The following PLPPR1 variants were observed in gnomAD, a reference collection of about 807,000 sequenced individuals.
The protein encoded by PLPPR1 is phospholipid phosphatase related 1.
PLPPR1 carries 10 observed loss-of-function variants against 33.1 expected under a neutral mutation model. The ratio of observed to expected loss-of-function variants is 0.30; its 90% CI spans 0.19 to 0.51. The LOEUF is 0.51. PLPPR1 is among the 20% of genes least tolerant of loss of function. PLPPR1 has a pLI of 0.97. For synonymous variants in PLPPR1, 151 were observed against 151.0 expected (o/e 1.00, Z 0.00); for missense variants, 304 against 408.1 (o/e 0.74, Z 2.20).
At chr9:101,306,242 G>A (rs532574384) in intron 4 of PLPPR1, among the ~76,000 whole-genome samples, 2 of 152,324 alleles carry the variant, frequency 1.3e-5, no homozygotes, top group African/African-American at 4.8e-5. Flanking sequence ...CACCCCAGCA[G>A]GAACACGATG....
rs79646157 is a variant in PLPPR1, at chr9:101,172,364, A to C, written c.-45-13086A>C. Among the ~76,000 whole-genome samples, 185 of 151,276 alleles carry C rather than the reference A, an allele frequency of 1.2e-3. 4 individuals carry two copies. The East Asian group carries it at 0.028, about 23-fold the overall frequency. On this transcript the variant is annotated intron_variant, in intron 1 of 7. Coordinates refer to ENST00000374874, the MANE Select transcript of PLPPR1 (RefSeq NM_207299.2). ...GACACACTAAAGGGGAAAAAAAAAA[A>C]CAAAATATGCTGCAAGGAGTACTTT...
intron 2 of PLPPR1, among the ~76,000 whole-genome samples, chr9:101,266,253 C>T (rs1827991235): frequency 6.6e-6 from 1 of 151,744 alleles, no homozygotes; most frequent in Admixed American, 6.6e-5. Flanking sequence ...ATGATGAAAC[C>T]TTGTCTCTAC....
chr9:101,180,116 A>C (rs1433437985), intron 1 of PLPPR1, among the ~76,000 whole-genome samples: 1 of 26,872 alleles, frequency 3.7e-5, no homozygotes, highest in African/African-American at 1.5e-4. Context: ...ATATATATAT[A>C]TATATATATA....
At chr9:101,239,060 A>AGT (rs60620773) in intron 2 of PLPPR1, among the ~76,000 whole-genome samples, 1,900 of 147,508 alleles carry the variant, frequency 0.013, 27 homozygotes, top group Middle Eastern at 0.041. Context: ...AATTTCATTG[A>AGT]GTGTGTGTGT....
At chr9:101,147,001 A>G (rs547814891) in intron 1 of PLPPR1, among the ~76,000 whole-genome samples, 2 of 152,302 alleles carry the variant, frequency 1.3e-5, no homozygotes, top group East Asian at 1.9e-4. Context: ...TCGCTATGAC[A>G]TTTTTAAAAC....
chr9:101,244,799 C>A (rs1232878315), intron 2 of PLPPR1, among the ~76,000 whole-genome samples: 1 of 151,402 alleles, frequency 6.6e-6, no homozygotes, highest in Non-Finnish European at 1.5e-5. Flanking sequence ...CAATAAATAC[C>A]TGGGAAAATT....
At chr9:101,276,297 G>GA in intron 3 of PLPPR1, among the ~76,000 whole-genome samples, 1 of 151,182 alleles carries the variant, frequency 6.6e-6, no homozygotes, top group Non-Finnish European at 1.5e-5. Flanking sequence ...CATTTTTCTG[G>GA]AAAAAATTTC....
At chr9:101,237,355 A>G (rs1196790366) in intron 2 of PLPPR1, among the ~76,000 whole-genome samples, 2 of 151,690 alleles carry the variant, frequency 1.3e-5, no homozygotes, top group Non-Finnish European at 3.0e-5. Context: ...ATCACATAAA[A>G]AAAGATACCT....
intron 1 of PLPPR1, among the ~76,000 whole-genome samples, chr9:101,115,623 C>G (rs907938287): frequency 6.6e-6 from 1 of 152,118 alleles, no homozygotes; most frequent in African/African-American, 2.4e-5. Flanking sequence ...TTTTAGCAAC[C>G]GTTACTTAAA....
intron 1 of PLPPR1, among the ~76,000 whole-genome samples, chr9:101,102,918 G>A (rs1325924870): frequency 1.8e-5 from 1 of 55,480 alleles, no homozygotes; most frequent in African/African-American, 7.9e-5. Context: ...ATTTTTTCAT[G>A]TGTTTTTTGG....
intron 2 of PLPPR1, among the ~76,000 whole-genome samples, chr9:101,189,379 G>A (rs1386330654): frequency 6.6e-6 from 1 of 152,084 alleles, no homozygotes; most frequent in Non-Finnish European, 1.5e-5. Context: ...AAGCCTCCAG[G>A]TAGCAGGCTC....
At chr9:101,119,362 T>C (rs952969931) in intron 1 of PLPPR1, among the ~76,000 whole-genome samples, 1 of 152,186 alleles carries the variant, frequency 6.6e-6, no homozygotes, top group African/African-American at 2.4e-5. Flanking sequence ...TTTCACACCG[T>C]GCTGCCTGGG....
At chr9:101,072,573 GA>G (rs1467124022) in intron 1 of PLPPR1, among the ~76,000 whole-genome samples, 1 of 152,152 alleles carries the variant, frequency 6.6e-6, no homozygotes, top group Non-Finnish European at 1.5e-5. Context: ...AAGATTAACT[GA>G]GGGAATAGAG....
intron 1 of PLPPR1, among the ~76,000 whole-genome samples, chr9:101,156,640 C>T (rs189990282): frequency 5.5e-5 from 8 of 145,324 alleles, no homozygotes; most frequent in East Asian, 4.0e-4. Flanking sequence ...ATGCTACATA[C>T]GGTAAAATAG....
intron 1 of PLPPR1, among the ~76,000 whole-genome samples, chr9:101,146,174 T>G (rs1278155147): frequency 6.6e-6 from 1 of 152,202 alleles, no homozygotes; most frequent in Non-Finnish European, 1.5e-5. Context: ...GTCTCTTGCT[T>G]TGAGGAACTA....
intron 2 of PLPPR1, among the ~76,000 whole-genome samples, chr9:101,209,107 C>T (rs572446920): frequency 4.6e-5 from 7 of 152,226 alleles, no homozygotes; most frequent in Non-Finnish European, 8.8e-5. Context: ...AGCAAATTCT[C>T]AACACCCACT....
At chr9:101,200,166 A>G (rs576496368) in intron 2 of PLPPR1, among the ~76,000 whole-genome samples, 1 of 152,304 alleles carries the variant, frequency 6.6e-6, no homozygotes, top group South Asian at 2.1e-4. Context: ...CAACTAAAGA[A>G]GGAGGGGTGA....
intron 2 of PLPPR1, among the ~76,000 whole-genome samples, chr9:101,194,673 C>T (rs552727905): frequency 6.6e-6 from 1 of 151,332 alleles, no homozygotes; most frequent in South Asian, 2.1e-4. Context: ...ATCGCTTGAA[C>T]CCGGGAGGCG....
At chr9:101,145,927 G>A (rs554373145) in intron 1 of PLPPR1, among the ~76,000 whole-genome samples, 2 of 151,832 alleles carry the variant, frequency 1.3e-5, no homozygotes, top group African/African-American at 4.8e-5. Context: ...GAGGCAGGAG[G>A]ACCCCTTGAG....
Sources: gnomAD v4.1 joint callset for allele counts (sites outside exome capture counted in the v4.1 genomes callset) on GRCh38, gnomAD v4.1.1 for gene constraint, MANE v1.5 for transcripts, NCBI Gene and HGNC (gene_info 2026-07-23, HGNC 2026-07-21) for gene names.